Variants in PTPRD observed in about 807,000 individuals in gnomAD.
PTPRD encodes the protein receptor-type tyrosine-protein phosphatase delta.
PTPRD carries 34 observed loss-of-function variants against 214.5 expected under a neutral mutation model. The ratio of observed to expected loss-of-function variants is 0.16; its 90% confidence interval spans 0.12 to 0.21. The LOEUF is 0.21. PTPRD is among the 10% of genes least tolerant of loss of function. The pLI, the probability that PTPRD is intolerant of heterozygous loss-of-function variation, is 1.00. For synonymous variants in PTPRD, 1,128 were observed against 845.7 expected, an observed-to-expected ratio of 1.33 and a Z score of -5.79; for missense variants, 2,545 against 2,398.7, an observed-to-expected ratio of 1.06 and a Z score of -1.27.
At chr9:9,224,966 G>T (rs2099958488) in intron 9 of PTPRD, among the ~76,000 whole-genome samples, 1 of 151,876 alleles carries the variant, frequency 6.6e-6, no homozygotes, top group South Asian at 2.1e-4. Context: ...TTGACTTCCT[G>T]TTACTTTGGT....
At chr9:9,373,268 C>T (rs2059994468) in intron 9 of PTPRD, among the ~76,000 whole-genome samples, 1 of 152,008 alleles carries the variant, frequency 6.6e-6, no homozygotes, top group Non-Finnish European at 1.5e-5. Context: ...GCCTCAGAAT[C>T]CTGCTAAATT....
chr9:10,530,953 A>G (rs10959149), intron 2 of PTPRD, among the ~76,000 whole-genome samples: 50,356 of 151,032 alleles, frequency 0.33, 8,666 homozygotes, highest in African/African-American at 0.37. Flanking sequence ...ATCAGTAGAC[A>G]ATTTTTTTTT....
intron 7 of PTPRD, among the ~76,000 whole-genome samples, chr9:9,579,685 T>G (rs1044845216): frequency 6.6e-6 from 1 of 152,132 alleles, no homozygotes; most frequent in Non-Finnish European, 1.5e-5. Flanking sequence ...ACCCTTCAGT[T>G]AGATGTAGCT....
At chr9:8,799,057 T>A (rs910066005) in intron 11 of PTPRD, among the ~76,000 whole-genome samples, 2 of 152,204 alleles carry the variant, frequency 1.3e-5, no homozygotes, top group African/African-American at 4.8e-5. Flanking sequence ...TATATTAATT[T>A]CACATGCATT....
intron 9 of PTPRD, among the ~76,000 whole-genome samples, chr9:9,230,373 A>G (rs915752525): frequency 1.6e-4 from 25 of 152,128 alleles, no homozygotes; most frequent in Admixed American, 1.3e-3. Flanking sequence ...CAGGTAGGAT[A>G]TGCCCCATTC....
At chr9:10,295,045 A>C (rs1199520965) in intron 3 of PTPRD, among the ~76,000 whole-genome samples, 1 of 152,024 alleles carries the variant, frequency 6.6e-6, no homozygotes, top group Non-Finnish European at 1.5e-5. Flanking sequence ...AAAAGAGGAA[A>C]ACTTAATCGT....
intron 10 of PTPRD, among the ~76,000 whole-genome samples, chr9:9,067,090 A>G (rs566605345): frequency 1.0e-3 from 156 of 152,286 alleles, no homozygotes; most frequent in African/African-American, 3.5e-3. Context: ...TACAAATAAA[A>G]AAATTTAGCC....
chr9:10,011,587 C>G (rs1198301166), intron 4 of PTPRD, among the ~76,000 whole-genome samples: 1 of 151,886 alleles, frequency 6.6e-6, no homozygotes, highest in Non-Finnish European at 1.5e-5. Context: ...GATAAATACC[C>G]AGTGCAAGAT....
At chr9:10,523,599 C>CTATATATATATATATATATATATA (rs1590037917) in intron 2 of PTPRD, among the ~76,000 whole-genome samples, 1 of 3,910 alleles carries the variant, frequency 2.6e-4, no homozygotes, top group Non-Finnish European at 7.3e-4. Context: ...GTATATTTAT[C>CTATATATATATATATATATATATA]TGTATATATA....
intron 2 of PTPRD, among the ~76,000 whole-genome samples, chr9:10,391,126 C>T (rs887904892): frequency 1.3e-5 from 2 of 151,822 alleles, no homozygotes; most frequent in East Asian, 3.9e-4. Flanking sequence ...GTAAATTAGG[C>T]CTTTTCTCTG....
chr9:9,652,678 G>A (rs1023952126), intron 7 of PTPRD, among the ~76,000 whole-genome samples: 2 of 150,674 alleles, frequency 1.3e-5, no homozygotes, highest in African/African-American at 4.9e-5. Context: ...GCAATGGCAC[G>A]ATCTCGGCTC....
intron 5 of PTPRD, among the ~76,000 whole-genome samples, chr9:9,847,750 G>A (rs1317588336): frequency 3.3e-5 from 5 of 151,988 alleles, no homozygotes; most frequent in Non-Finnish European, 7.4e-5. Flanking sequence ...GAACTATCTG[G>A]TGCCTGTGAA....
intron 8 of PTPRD, among the ~76,000 whole-genome samples, chr9:9,450,590 A>G (rs894612042): frequency 3.9e-5 from 6 of 151,994 alleles, no homozygotes; most frequent in Non-Finnish European, 8.8e-5. Flanking sequence ...AATTCTTATC[A>G]TAGATATGAA....
At position 10,238,227 on chromosome 9, in the gene PTPRD, T is replaced by C. The variant is rs193070193; in HGVS notation, c.-545+102736A>G. On this transcript the variant is annotated intron_variant, in intron 3 of 45. Coordinates refer to ENST00000381196, the MANE Select transcript of PTPRD (RefSeq NM_002839.4). ...CTCAGGGCACATAACGTTGCTTCAA[T>C]AATGTAATTCTCTCCAAGTCTGGCT... Among the ~76,000 whole-genome samples the C allele has an allele frequency of 2.8e-3, 431 of 151,990 alleles. 5 individuals are homozygous for C. The highest frequency in any genetic ancestry group is 9.8e-3 in the African/African-American group (407 of 41,512).
At chr9:9,104,159 C>T (rs146100917) in intron 10 of PTPRD, among the ~76,000 whole-genome samples, 256 of 152,206 alleles carry the variant, frequency 1.7e-3, no homozygotes, top group South Asian at 3.5e-3. Flanking sequence ...TGTGGGCTAT[C>T]CAGTCTTTTG....
intron 5 of PTPRD, among the ~76,000 whole-genome samples, chr9:9,790,038 G>C (rs948986461): frequency 6.6e-6 from 1 of 152,034 alleles, no homozygotes; most frequent in African/African-American, 2.4e-5. Flanking sequence ...GATCAAAGAT[G>C]ATCTTAGCAG....
intron 2 of PTPRD, among the ~76,000 whole-genome samples, chr9:10,497,782 TTA>T (rs1487632448): frequency 1.3e-5 from 2 of 152,006 alleles, no homozygotes; most frequent in Admixed American, 1.3e-4. Context: ...AGATTTGCTA[TTA>T]TGTTTATCTT....
At chr9:9,634,665 A>C (rs144899518) in intron 7 of PTPRD, among the ~76,000 whole-genome samples, 2 of 152,332 alleles carry the variant, frequency 1.3e-5, no homozygotes, top group East Asian at 3.9e-4. Flanking sequence ...TATCTTGTCA[A>C]AAGATAAATC....
intron 5 of PTPRD, among the ~76,000 whole-genome samples, chr9:9,848,278 A>G (rs1461134243): frequency 6.6e-6 from 1 of 152,144 alleles, no homozygotes; most frequent in East Asian, 1.9e-4. Flanking sequence ...ATATCAACAC[A>G]TGTCCCCTTA....
Sources: allele counts gnomAD v4.1 joint callset (sites outside exome capture counted in the v4.1 genomes callset), GRCh38; gene constraint gnomAD v4.1.1; transcripts MANE v1.5; gene names NCBI Gene and HGNC (gene_info 2026-07-23, HGNC 2026-07-21).